HS1BP3: variants seen among roughly 807,000 people sequenced by gnomAD.
The protein encoded by HS1BP3 is HCLS1 binding protein 3.
In HS1BP3, 32 loss-of-function variants were observed where a neutral mutation model predicts 33.5. That is an observed-to-expected ratio of 0.95 (90% CI 0.72 to 1.28). HS1BP3 has a LOEUF of 1.28. Among genes scored for constraint, HS1BP3 ranks in the 50% most tolerant of loss-of-function variants. The pLI is 0.00. For missense variants in HS1BP3, 486 were observed against 502.3 expected, an observed-to-expected ratio of 0.97 and a Z score of 0.31; for synonymous variants, 187 against 209.2, an observed-to-expected ratio of 0.89 and a Z score of 0.92.
chr2:20,630,853 A>G (rs957915340), intron 4 of HS1BP3, among the ~76,000 whole-genome samples: 3 of 152,240 alleles, frequency 2.0e-5, no homozygotes, highest in Non-Finnish European at 2.9e-5. Flanking sequence ...AGCCTGGCAT[A>G]GTGAAAGTGC....
chr2:20,600,857 A>T (rs1338086116), intron 2 of HS1BP3, among the ~76,000 whole-genome samples: 2 of 152,000 alleles, frequency 1.3e-5, no homozygotes, highest in African/African-American at 4.8e-5. Context: ...GTATTTCAAA[A>T]TTTTTTTATT....
At chr2:20,636,292 A>G (rs1695128053) in intron 4 of HS1BP3, 1 of 146,090 alleles carries the variant, frequency 6.8e-6, no homozygotes, top group South Asian at 2.1e-4. Flanking sequence ...TCTGCCACAC[A>G]CACAGCTCTG....
intron 1 of HS1BP3, among the ~76,000 whole-genome samples, chr2:20,647,847 T>C (rs1170239252): frequency 1.4e-4 from 21 of 152,194 alleles, no homozygotes. Context: ...ATCCTGTTAA[T>C]ATGCAGATTC....
intron 3 of HS1BP3, chr2:20,639,890 G>A (rs1193999914): frequency 6.6e-6 from 1 of 152,222 alleles, no homozygotes; most frequent in Non-Finnish European, 1.5e-5. Context: ...GGAAGGAAGG[G>A]TTGTGACCTT....
chr2:20,621,832 A>G (rs1270738982), intron 6 of HS1BP3, among the ~76,000 whole-genome samples: 1 of 152,192 alleles, frequency 6.6e-6, no homozygotes, highest in Non-Finnish European at 1.5e-5. Flanking sequence ...CTTGGGACAC[A>G]GGAGGCTGCA....
intron 5 of HS1BP3, among the ~76,000 whole-genome samples, chr2:20,583,865 A>G (rs531545148): frequency 1.3e-5 from 2 of 152,172 alleles, no homozygotes; most frequent in South Asian, 4.1e-4. Context: ...CCTGGAAGGA[A>G]GGTCACTCCT....
In HS1BP3 at chr2:20,618,630, T is replaced by C; in HGVS notation, c.*357A>G. 2 of 982,622 alleles carry C rather than the reference T, an allele frequency of 2.0e-6. No homozygotes were observed. Among genetic ancestry groups the C allele is most frequent in the Non-Finnish European group, 2.5e-6 (2 of 797,846 alleles). The allele number at this position is 982,622 out of a possible 1,614,324, so 60.9% of individuals were successfully genotyped here. A position where few individuals can be genotyped will look rare whatever the true frequency, so the allele number is the denominator to read the frequency against. On this transcript the variant is annotated 3_prime_UTR_variant, in exon 7 of 7. Transcript: ENST00000304031. ...CTGGCAGAACCCGTGGGCATGAAGC[T>C]TCCCTGCCCCATGTGACACCTCGCT...
At chr2:20,586,933 C>A (rs1320521013) in intron 5 of HS1BP3, among the ~76,000 whole-genome samples, 1 of 152,192 alleles carries the variant, frequency 6.6e-6, no homozygotes, top group Non-Finnish European at 1.5e-5. Context: ...TTACCATAAG[C>A]TGGTGTAGAC....
intron 2 of HS1BP3, among the ~76,000 whole-genome samples, chr2:20,603,628 T>C (rs1558330686): frequency 6.6e-6 from 1 of 152,270 alleles, no homozygotes; most frequent in Non-Finnish European, 1.5e-5. Flanking sequence ...ATAGAGTTTC[T>C]TTTAGAAGTG....
At chr2:20,628,018 G>T (rs1330533902) in intron 4 of HS1BP3, among the ~76,000 whole-genome samples, 1 of 152,156 alleles carries the variant, frequency 6.6e-6, no homozygotes, top group African/African-American at 2.4e-5. Flanking sequence ...GGAGGGGCAG[G>T]GAGGGAAGAG....
intron 3 of HS1BP3, among the ~76,000 whole-genome samples, chr2:20,595,984 T>C (rs1693935014): frequency 6.6e-6 from 1 of 152,200 alleles, no homozygotes; most frequent in South Asian, 2.1e-4. Context: ...TCAAAGGTGA[T>C]CCTGTGTGGA....
intron 5 of HS1BP3, among the ~76,000 whole-genome samples, chr2:20,561,570 C>A (rs1692998896): frequency 1.3e-5 from 2 of 152,180 alleles, no homozygotes; most frequent in Admixed American, 1.3e-4. Context: ...TACACACACA[C>A]CCACATGCCT....
chr2:20,611,464 A>C lies in HS1BP3; in HGVS notation c.178+12432T>G, dbSNP rs1460950099. ...CTCCACTTGACCACATCGTGCGCAA[A>C]GTTCAGGGACCAGGAGAGGGAAACC... On this transcript the variant is annotated intron_variant, in intron 2 of 3. Transcript: ENST00000415264. This position sits in a 1 kb window ranked among gnomAD's most constrained non-coding sequence, Gnocchi z 4.9. Among the ~76,000 whole-genome samples the C allele has an allele frequency of 6.6e-6, 1 of 152,198 alleles. No homozygotes were observed. Among genetic ancestry groups the C allele is most frequent in the Non-Finnish European group, 1.5e-5 (1 of 68,036 alleles).
chr2:20,604,412 A>G (rs115885467), intron 2 of HS1BP3, among the ~76,000 whole-genome samples: 2,976 of 152,316 alleles, frequency 0.02, 90 homozygotes, highest in African/African-American at 0.068. Flanking sequence ...GTGAGATTAC[A>G]GAAAGTCAGC....
At chr2:20,628,813 C>T (rs1274086320) in intron 4 of HS1BP3, among the ~76,000 whole-genome samples, 2 of 152,034 alleles carry the variant, frequency 1.3e-5, no homozygotes, top group Admixed American at 6.6e-5. Context: ...GGGTACAGGA[C>T]CTGAGAGTCA....
At chr2:20,622,418 T>C in intron 6 of HS1BP3, 1 of 887,288 alleles carries the variant, frequency 1.1e-6, no homozygotes, top group Admixed American at 2.3e-5. Flanking sequence ...GAGCAGGGAC[T>C]CCCCAAGCGC....
At chr2:20,614,445 G>A (rs986930077), downstream of HS1BP3, among the ~76,000 whole-genome samples, 19 of 152,242 alleles carry the variant, frequency 1.2e-4, no homozygotes, top group African/African-American at 4.6e-4. Context: ...CCGCATGGAG[G>A]AGGCACCTCC....
At chr2:20,629,654 G>A (rs995789461) in intron 4 of HS1BP3, among the ~76,000 whole-genome samples, 1 of 152,242 alleles carries the variant, frequency 6.6e-6, no homozygotes, top group African/African-American at 2.4e-5. Context: ...GTTGCATGAG[G>A]TAGGTGGGGT....
intron 5 of HS1BP3, among the ~76,000 whole-genome samples, chr2:20,584,804 G>A (rs1243497065): frequency 1.3e-5 from 2 of 152,188 alleles, no homozygotes; most frequent in Non-Finnish European, 2.9e-5. Context: ...TTCACTTTGG[G>A]TTTGGAAGGG....
Sources: gnomAD v4.1 joint callset for allele counts (sites outside exome capture counted in the v4.1 genomes callset) on GRCh38, gnomAD v4.1.1 for gene constraint, Gnocchi (gnomAD v3.1) non-coding constraint, MANE v1.5 for transcripts, NCBI Gene and HGNC (gene_info 2026-07-23, HGNC 2026-07-21) for gene names.